The following TAF2 variants were observed in gnomAD, a reference collection of about 807,000 sequenced individuals.
TAF2 encodes TATA-box binding protein associated factor 2, also known as transcription initiation factor TFIID subunit 2.
A neutral mutation model predicts 138.5 loss-of-function variants in TAF2; 61 were observed. The ratio of observed to expected loss-of-function variants is 0.44; its 90% confidence interval spans 0.36 to 0.54. The LOEUF (loss-of-function observed/expected upper bound fraction) is 0.54. Ranked by LOEUF, TAF2 falls within the 20% of genes least tolerant of loss-of-function variation. The pLI is 0.00. For synonymous variants in TAF2, 475 were observed against 469.9 expected (o/e 1.01, Z -0.14); for missense variants, 1,090 against 1,427.9 (o/e 0.76, Z 3.81).
intron 18 of TAF2, among the ~76,000 whole-genome samples, chr8:119,769,434 T>A (rs1821671705): frequency 6.6e-6 from 1 of 152,112 alleles, no homozygotes; most frequent in Non-Finnish European, 1.5e-5. Flanking sequence ...ACAAGCTCTC[T>A]TATCAGTGGA....
intron 23 of TAF2, chr8:119,745,123 C>A: frequency 2.4e-6 from 1 of 422,944 alleles, no homozygotes; most frequent in East Asian, 7.1e-5. Flanking sequence ...AGCAACCATG[C>A]AGATTAGAGC....
chr8:119,731,601 C>T lies in TAF2; in HGVS notation c.*323G>A, dbSNP rs575225726. The stretch of plus-strand genomic sequence containing the variant: ...GGCTTTCAAACATAATTGACTTTGG[C>T]GGTACACATGGAGACCATGATGCGA... On this transcript the variant is annotated 3_prime_UTR_variant, in exon 26 of 26. Coordinates refer to ENST00000378164, the MANE Select transcript of TAF2 (RefSeq NM_003184.4). 17 of 327,294 alleles carry T rather than the reference C, an allele frequency of 5.2e-5. No individual in the cohort carries two copies. Among genetic ancestry groups the T allele is most frequent in the African/African-American group, 2.5e-4 (12 of 47,348 alleles). The allele number at this position is 327,294 out of a possible 1,614,324, so 20.3% of individuals were successfully genotyped here.
intron 3 of TAF2, among the ~76,000 whole-genome samples, chr8:119,813,235 GT>G (rs778802663): frequency 7.9e-5 from 12 of 152,110 alleles, no homozygotes; most frequent in Non-Finnish European, 4.4e-5. Context: ...TTGACTATTT[GT>G]ATATCTTCTT....
chr8:119,735,935 C>A (rs985941538), intron 25 of TAF2, among the ~76,000 whole-genome samples: 5 of 152,290 alleles, frequency 3.3e-5, no homozygotes, highest in African/African-American at 1.2e-4. Context: ...ATTATTTAAT[C>A]ATTCTATATC....
intron 2 of TAF2, among the ~76,000 whole-genome samples, chr8:119,828,632 C>T (rs1302867011): frequency 6.6e-6 from 1 of 152,212 alleles, no homozygotes; most frequent in African/African-American, 2.4e-5. Context: ...AGAAATAAAG[C>T]AGTATGTATC....
intron 25 of TAF2, among the ~76,000 whole-genome samples, chr8:119,734,464 A>T (rs927793713): frequency 6.6e-6 from 1 of 152,150 alleles, no homozygotes; most frequent in African/African-American, 2.4e-5. Flanking sequence ...TGCAGTACTA[A>T]TTTTATTTAT....
At chr8:119,825,792 C>G (rs1006894437) in intron 2 of TAF2, among the ~76,000 whole-genome samples, 3 of 152,114 alleles carry the variant, frequency 2.0e-5, no homozygotes, top group African/African-American at 7.2e-5. Flanking sequence ...TCACACCATT[C>G]TCCTGCCTCA....
At chr8:119,794,139 T>G (rs1222300821) in intron 9 of TAF2, among the ~76,000 whole-genome samples, 2 of 152,088 alleles carry the variant, frequency 1.3e-5, no homozygotes, top group African/African-American at 4.8e-5. Context: ...GGCTCACATC[T>G]GTAATCCCAG....
At chr8:119,828,839 A>G (rs1280012049) in intron 2 of TAF2, among the ~76,000 whole-genome samples, 4 of 152,190 alleles carry the variant, frequency 2.6e-5, no homozygotes, top group Admixed American at 2.6e-4. Flanking sequence ...CTGTCTCTTA[A>G]AGGGCCAGAT....
At chr8:119,769,411 A>T (rs1821670342) in intron 18 of TAF2, among the ~76,000 whole-genome samples, 1 of 152,054 alleles carries the variant, frequency 6.6e-6, no homozygotes, top group African/African-American at 2.4e-5. Flanking sequence ...GAAGAAAGAG[A>T]ATACTGTGAC....
intron 3 of TAF2, among the ~76,000 whole-genome samples, chr8:119,813,352 C>G (rs369644012): frequency 2.0e-5 from 3 of 152,350 alleles, no homozygotes; most frequent in South Asian, 2.1e-4. Flanking sequence ...TACCATGAGT[C>G]TACAAGAATC....
At chr8:119,732,425 C>T (rs1818938858) in intron 25 of TAF2, among the ~76,000 whole-genome samples, 1 of 152,090 alleles carries the variant, frequency 6.6e-6, no homozygotes, top group Admixed American at 6.5e-5. Context: ...GGCCATATAC[C>T]AGTGTGTTAC....
chr8:119,822,123 C>T (rs1825838222), intron 2 of TAF2, among the ~76,000 whole-genome samples: 1 of 151,882 alleles, frequency 6.6e-6, no homozygotes, highest in African/African-American at 2.4e-5. Flanking sequence ...TCTGCTTATC[C>T]TTTGTGTTCA....
intron 6 of TAF2, among the ~76,000 whole-genome samples, chr8:119,800,831 A>C (rs1315527485): frequency 6.6e-6 from 1 of 152,202 alleles, no homozygotes; most frequent in East Asian, 1.9e-4. Flanking sequence ...CTGTGGAGAT[A>C]TACGTGGTCA....
chr8:119,802,578 T>C (rs947054799), intron 5 of TAF2, among the ~76,000 whole-genome samples: 14 of 152,122 alleles, frequency 9.2e-5, no homozygotes, highest in Admixed American at 9.2e-4. Context: ...AGCACAAAAG[T>C]GTGTAAGACA....
chr8:119,828,611 C>T (rs954093719), intron 2 of TAF2, among the ~76,000 whole-genome samples: 4 of 152,098 alleles, frequency 2.6e-5, no homozygotes, highest in Non-Finnish European at 5.9e-5. Flanking sequence ...AAGGAAACAC[C>T]GAAGGGGTGA....
intron 18 of TAF2, among the ~76,000 whole-genome samples, chr8:119,763,782 A>G (rs1423119939): frequency 6.6e-6 from 1 of 152,062 alleles, no homozygotes; most frequent in African/African-American, 2.4e-5. Flanking sequence ...TGACAGAGCA[A>G]GACTCCATCT....
chr8:119,740,629 C>T (rs1819538067), intron 25 of TAF2, among the ~76,000 whole-genome samples: 1 of 138,732 alleles, frequency 7.2e-6, no homozygotes, highest in Non-Finnish European at 1.5e-5. Flanking sequence ...CGCATCACTG[C>T]ACTCCAGCCT....
chr8:119,793,174 AATT>A (rs1243762209), intron 10 of TAF2, among the ~76,000 whole-genome samples, 189 bp downstream of exon 10: 1 of 152,156 alleles, frequency 6.6e-6, no homozygotes, highest in Non-Finnish European at 1.5e-5. Flanking sequence ...ATATTTTAAA[AATT>A]ATTTTTATAT....
Sources: gnomAD v4.1 joint callset for allele counts (sites outside exome capture counted in the v4.1 genomes callset) on GRCh38, gnomAD v4.1.1 for gene constraint, MANE v1.5 for transcripts, NCBI Gene and HGNC (gene_info 2026-07-23, HGNC 2026-07-21) for gene names.